SAMD5: variants seen among roughly 807,000 people sequenced by gnomAD.
SAMD5 encodes sterile alpha motif domain containing 5, also known as sterile alpha motif domain-containing protein 5.
Under a neutral mutation model 11.3 loss-of-function variants are expected in SAMD5, and 13 were observed. The ratio of observed to expected loss-of-function variants is 1.15; its 90% CI spans 0.75 to 1.83. The LOEUF is 1.83. Ranked by LOEUF, SAMD5 falls within the 40% of genes most tolerant of loss-of-function variation. The pLI is 0.00. For missense variants in SAMD5, 255 were observed against 239.1 expected (o/e 1.07, Z -0.44); for synonymous variants, 129 against 111.3 (o/e 1.16, Z -1.00).
Position 147,621,006 on chromosome 6 carries a change from G to A in SAMD5, c.162+111619G>A, listed in dbSNP as rs187316971. Among the ~76,000 whole-genome samples the A allele has an allele frequency of 4.4e-3, 674 of 151,756 alleles. 14 individuals are homozygous for A. The highest frequency in any genetic ancestry group is 3.0e-3 in the Non-Finnish European group (201 of 67,986). On this transcript the variant is annotated intron_variant, in intron 1 of 1. Coordinates refer to the SAMD5 transcript ENST00000566741. ...TGTGTGTGTGCGCGCGCGCACATGCGCGCGCATGTAGGGAAAAATTTGGAA... is the reference window on the plus strand; with the variant it reads ...TGTGTGTGTGCGCGCGCGCACATGCACGCGCATGTAGGGAAAAATTTGGAA...
At chr6:147,801,760 TAAAC>T in the SAMD5 span, among the ~76,000 whole-genome samples, 5 of 152,126 alleles carry the variant, frequency 3.3e-5, no homozygotes, top group Admixed American at 3.3e-4. Context: ...TTAAAGTAGA[TAAAC>T]AAATCAGTAG....
downstream of SAMD5, among the ~76,000 whole-genome samples, chr6:147,738,171 T>G (rs780512072): frequency 1.3e-5 from 2 of 152,006 alleles, no homozygotes; most frequent in Non-Finnish European, 2.9e-5. Flanking sequence ...GTGAAGGGGT[T>G]TTGGCAGGAA....
intron 1 of SAMD5, among the ~76,000 whole-genome samples, chr6:147,736,942 A>G (rs1791811699): frequency 6.6e-6 from 1 of 152,168 alleles, no homozygotes; most frequent in South Asian, 2.1e-4. Context: ...CAGAATACAT[A>G]CCAGCCTTAT....
chr6:147,889,700 G>A, the SAMD5 span, among the ~76,000 whole-genome samples: 3 of 152,306 alleles, frequency 2.0e-5, no homozygotes, highest in East Asian at 5.8e-4. Context: ...GGGATTATGA[G>A]CCACAGGTAA....
At chr6:147,600,570 A>G (rs1054984623) in intron 1 of SAMD5, among the ~76,000 whole-genome samples, 8 of 152,208 alleles carry the variant, frequency 5.3e-5, no homozygotes, top group African/African-American at 1.7e-4. Flanking sequence ...CACTTTCAAA[A>G]TTAGATAAAG....
At chr6:147,655,795 A>T (rs1790556904) in intron 1 of SAMD5, among the ~76,000 whole-genome samples, 1 of 152,192 alleles carries the variant, frequency 6.6e-6, no homozygotes, top group Non-Finnish European at 1.5e-5. Flanking sequence ...ATATAATACA[A>T]TGAATGTGAC....
In SAMD5 at chr6:147,585,026, A is replaced by T. The variant is rs564554630; in HGVS notation, c.162+75639A>T. On this transcript the variant is annotated intron_variant, in intron 1 of 1. Coordinates refer to the SAMD5 transcript ENST00000566741. ...TTGGAGGATGGGAGAGAGCTCTTCT[A>T]TAAATTGTACCCACTCATGTTGACT... is the stretch of plus-strand genomic sequence containing the variant. Among the ~76,000 whole-genome samples, 4 of 152,280 alleles carry T rather than the reference A, an allele frequency of 2.6e-5. No individual in the cohort carries two copies. The South Asian group carries it at 8.3e-4, about 32-fold the overall frequency.
At chr6:147,782,226 G>T in the SAMD5 span, among the ~76,000 whole-genome samples, 1 of 152,030 alleles carries the variant, frequency 6.6e-6, no homozygotes, top group Non-Finnish European at 1.5e-5. Flanking sequence ...TAGGCTTAAA[G>T]GTTGAAAAAG....
intron 1 of SAMD5, among the ~76,000 whole-genome samples, chr6:147,667,201 A>G (rs1051907256): frequency 3.3e-5 from 5 of 152,094 alleles, no homozygotes; most frequent in African/African-American, 1.2e-4. Context: ...TGTGTTATTC[A>G]TCTCTTGTTT....
At chr6:147,623,197 G>C (rs977787117) in intron 1 of SAMD5, among the ~76,000 whole-genome samples, 1 of 152,148 alleles carries the variant, frequency 6.6e-6, no homozygotes, top group African/African-American at 2.4e-5. Flanking sequence ...TGTGTGTTGT[G>C]GGGGAGGAAA....
the SAMD5 span, among the ~76,000 whole-genome samples, chr6:147,757,393 A>G: frequency 6.6e-6 from 1 of 152,268 alleles, no homozygotes; most frequent in South Asian, 2.1e-4. Flanking sequence ...ATGGACTGAC[A>G]TGTTTTTATG....
chr6:147,821,332 G>A, the SAMD5 span, among the ~76,000 whole-genome samples: 1 of 152,214 alleles, frequency 6.6e-6, no homozygotes, highest in South Asian at 2.1e-4. Context: ...CCATTTTGCA[G>A]TGTAGGCAGC....
chr6:147,927,580 T>G, the SAMD5 span, among the ~76,000 whole-genome samples: 2 of 152,324 alleles, frequency 1.3e-5, no homozygotes, highest in East Asian at 3.9e-4. Flanking sequence ...CTATGGGGTT[T>G]TCTAGATATT....
the SAMD5 span, among the ~76,000 whole-genome samples, chr6:147,754,195 C>T: frequency 6.6e-6 from 1 of 152,316 alleles, no homozygotes; most frequent in East Asian, 1.9e-4. Context: ...CTTTCCTCCA[C>T]ATCCTCACCA....
At chr6:147,931,569 C>G in the SAMD5 span, among the ~76,000 whole-genome samples, 87 of 152,144 alleles carry the variant, frequency 5.7e-4, no homozygotes, top group African/African-American at 2.0e-3. Context: ...AATAATTGGG[C>G]TGTTTAAGTC....
intron 1 of SAMD5, among the ~76,000 whole-genome samples, chr6:147,615,872 T>G (rs1414797186): frequency 6.6e-6 from 1 of 152,116 alleles, no homozygotes; most frequent in Non-Finnish European, 1.5e-5. Context: ...ATAAATTCCT[T>G]TACTATGATT....
At chr6:147,877,497 T>C in the SAMD5 span, among the ~76,000 whole-genome samples, 1 of 152,122 alleles carries the variant, frequency 6.6e-6, no homozygotes, top group Non-Finnish European at 1.5e-5. Flanking sequence ...ATTTGACACA[T>C]TTGTTTTGAC....
chr6:147,940,309 T>C, the SAMD5 span, among the ~76,000 whole-genome samples: 2 of 151,616 alleles, frequency 1.3e-5, no homozygotes, highest in African/African-American at 4.8e-5. Context: ...GGATTTTATA[T>C]AACATAATGT....
At chr6:147,885,967 C>T in the SAMD5 span, among the ~76,000 whole-genome samples, 1 of 152,142 alleles carries the variant, frequency 6.6e-6, no homozygotes, top group East Asian at 1.9e-4. Flanking sequence ...GAGAAAACAT[C>T]AAAAAGTTTT....
Sources: gnomAD v4.1 joint callset for allele counts (sites outside exome capture counted in the v4.1 genomes callset) on GRCh38, gnomAD v4.1.1 for gene constraint, MANE v1.5 for transcripts, NCBI Gene and HGNC (gene_info 2026-07-23, HGNC 2026-07-21) for gene names.